Variants in ARMH4 observed in about 807,000 individuals in gnomAD.
ARMH4 encodes the protein armadillo-like helical domain-containing protein 4.
ARMH4 carries 49 observed loss-of-function variants against 61.9 expected under a neutral mutation model. That is an observed-to-expected ratio of 0.79 (90% CI 0.63 to 1.00). ARMH4 has a LOEUF of 1.00. ARMH4 is among the 50% of genes least tolerant of loss of function. The pLI, the probability that ARMH4 is intolerant of heterozygous loss-of-function variation, is 0.00. For missense variants in ARMH4, 934 were observed against 930.0 expected (o/e 1.00, Z -0.06); for synonymous variants, 368 against 341.5 (o/e 1.08, Z -0.85).
intron 5 of ARMH4, among the ~76,000 whole-genome samples, chr14:58,038,875 T>C (rs947903109): frequency 6.6e-6 from 1 of 152,174 alleles, no homozygotes; most frequent in East Asian, 1.9e-4. Context: ...AAAATAAGGA[T>C]GCAATTTTTA....
chr14:58,062,477 A>G (rs1450445779), intron 5 of ARMH4, among the ~76,000 whole-genome samples: 6 of 152,228 alleles, frequency 3.9e-5, no homozygotes, highest in Admixed American at 3.9e-4. Context: ...CATGGAGGAT[A>G]ACTAGACGGC....
chr14:58,066,055 A>G (rs1196657092), intron 5 of ARMH4, among the ~76,000 whole-genome samples: 1 of 152,226 alleles, frequency 6.6e-6, no homozygotes, highest in East Asian at 1.9e-4. Context: ...GACCTAGCTA[A>G]ACTAGGCCTT....
intron 5 of ARMH4, among the ~76,000 whole-genome samples, chr14:58,064,975 G>A (rs780285416): frequency 3.3e-5 from 5 of 152,174 alleles, no homozygotes; most frequent in Admixed American, 6.5e-5. Flanking sequence ...CAGGTGTGGT[G>A]GTTTATGCCT....
intron 5 of ARMH4, among the ~76,000 whole-genome samples, chr14:58,015,139 C>T (rs1882561422): frequency 1.3e-5 from 2 of 152,158 alleles, no homozygotes; most frequent in South Asian, 4.1e-4. Flanking sequence ...GTAAACTGTC[C>T]ACATCTTAGG....
intron 5 of ARMH4, among the ~76,000 whole-genome samples, chr14:58,039,631 T>C (rs7140917): frequency 0.061 from 9,327 of 152,218 alleles, 357 homozygotes; most frequent in African/African-American, 0.1. Flanking sequence ...TTAAGGAGCC[T>C]GGAGTAAAAG....
intron 6 of ARMH4, among the ~76,000 whole-genome samples, chr14:58,011,371 T>C (rs1011058916): frequency 1.6e-4 from 25 of 152,154 alleles, no homozygotes; most frequent in African/African-American, 5.3e-4. Flanking sequence ...AACAGAAATA[T>C]ATTGAGACTG....
At chr14:58,121,288 G>A (rs933259431) in intron 4 of ARMH4, among the ~76,000 whole-genome samples, 1 of 152,090 alleles carries the variant, frequency 6.6e-6, no homozygotes, top group African/African-American at 2.4e-5. Flanking sequence ...ATCATCATGA[G>A]CCATTCTGTA....
intron 5 of ARMH4, among the ~76,000 whole-genome samples, chr14:58,071,178 C>T (rs899212687): frequency 3.9e-4 from 58 of 149,824 alleles, no homozygotes; most frequent in African/African-American, 8.0e-4. Context: ...TACAATAGTA[C>T]GGGTAATAAT....
Position 58,089,650 on chromosome 14 carries a change from C to A in ARMH4, c.2089+7074G>T, listed in dbSNP as rs565418236. Among the ~76,000 whole-genome samples, 5 of 152,308 alleles carry A rather than the reference C, an allele frequency of 3.3e-5. No homozygotes were observed. The South Asian group carries it at 1.0e-3, about 32-fold the overall frequency. On this transcript the variant is annotated intron_variant, in intron 5 of 7. Coordinates refer to ENST00000267485, the MANE Select transcript of ARMH4 (RefSeq NM_001001872.4). ...TTAATGAGTTGTTCTACCCAGATAGCAGTTCTGCATTTTTCTAAGGCCTTC... is the reference window on the plus strand; with the variant it reads ...TTAATGAGTTGTTCTACCCAGATAGAAGTTCTGCATTTTTCTAAGGCCTTC...
intron 2 of ARMH4, among the ~76,000 whole-genome samples, chr14:58,136,294 T>C (rs1279711730): frequency 6.6e-6 from 1 of 152,140 alleles, no homozygotes; most frequent in Non-Finnish European, 1.5e-5. Context: ...CTAATACAAG[T>C]TTAGTACATA....
At position 58,032,167 on chromosome 14, in the gene ARMH4, T is replaced by C. The variant is rs551058997; in HGVS notation, c.2090-20017A>G. ...TCTGGGCCCTACACTAGATCTCTCA[T>C]CTGGAGAACCCAGATGAGACTTATG... On this transcript the variant is annotated intron_variant, in intron 5 of 7. Coordinates refer to ENST00000267485, the MANE Select transcript of ARMH4 (RefSeq NM_001001872.4). Among the ~76,000 whole-genome samples, 3 of 152,282 alleles carry C rather than the reference T, an allele frequency of 2.0e-5. No individual in the cohort carries two copies. The South Asian group carries it at 6.2e-4, about 32-fold the overall frequency.
intron 5 of ARMH4, among the ~76,000 whole-genome samples, chr14:58,048,597 T>G (rs1884015695): frequency 6.6e-6 from 1 of 152,090 alleles, no homozygotes; most frequent in Admixed American, 6.6e-5. Context: ...AACTTGGTAC[T>G]TTTTCTAATA....
chr14:58,142,660 C>T (rs534995577), intron 1 of ARMH4, among the ~76,000 whole-genome samples: 3 of 151,934 alleles, frequency 2.0e-5, no homozygotes, highest in East Asian at 1.9e-4. Context: ...TTATTAGAGA[C>T]GGGGTTTCAC....
intron 5 of ARMH4, among the ~76,000 whole-genome samples, chr14:58,088,665 G>A (rs1885459633): frequency 6.6e-6 from 1 of 152,152 alleles, no homozygotes; most frequent in Non-Finnish European, 1.5e-5. Flanking sequence ...CCTGGATACA[G>A]GTGTCTGAGT....
intron 5 of ARMH4, among the ~76,000 whole-genome samples, chr14:58,090,890 A>G (rs1313108821): frequency 2.0e-5 from 3 of 150,056 alleles, no homozygotes; most frequent in African/African-American, 7.4e-5. Context: ...AAAAAAAAAA[A>G]AAAAAGAAAG....
At chr14:58,061,420 CCG>C (rs1200853896) in intron 5 of ARMH4, among the ~76,000 whole-genome samples, 1 of 152,152 alleles carries the variant, frequency 6.6e-6, no homozygotes, top group Non-Finnish European at 1.5e-5. Flanking sequence ...CACCACCTTA[CCG>C]AGCCCACCTC....
rs1209070576 is a variant in ARMH4, at chr14:58,005,186, C to A, written c.2122-4G>T. On this transcript the variant is annotated splice_region_variant and splice_polypyrimidine_tract_variant and intron_variant, in intron 6 of 7. Coordinates refer to ENST00000267485, the MANE Select transcript of ARMH4 (RefSeq NM_001001872.4). ...GCATCCCAGACATGTAACCAGCCTGCATAGAAAAGGAAACACACATTAGGA... is the reference window on the plus strand; with the variant it reads ...GCATCCCAGACATGTAACCAGCCTGAATAGAAAAGGAAACACACATTAGGA... 1.9e-6 allele frequency: 3 copies of A among 1,613,912 alleles called. No individual in the cohort carries two copies. Among genetic ancestry groups the A allele is most frequent in the Non-Finnish European group, 2.5e-6 (3 of 1,179,874 alleles).
At chr14:58,082,818 G>T (rs1885269023) in intron 5 of ARMH4, among the ~76,000 whole-genome samples, 1 of 152,160 alleles carries the variant, frequency 6.6e-6, no homozygotes, top group Non-Finnish European at 1.5e-5. Flanking sequence ...CCCTGAAAAT[G>T]CTAAGTGTTC....
intron 5 of ARMH4, among the ~76,000 whole-genome samples, chr14:58,088,136 G>A (rs538335124): frequency 4.6e-5 from 7 of 152,236 alleles, no homozygotes; most frequent in East Asian, 3.9e-4. Flanking sequence ...AAATAGGTAC[G>A]ATACAGCAGG....
Sources: allele counts gnomAD v4.1 joint callset (sites outside exome capture counted in the v4.1 genomes callset), GRCh38; gene constraint gnomAD v4.1.1; transcripts MANE v1.5; gene names NCBI Gene and HGNC (gene_info 2026-07-23, HGNC 2026-07-21).